The following RELL1 variants were observed in gnomAD, a reference collection of about 807,000 sequenced individuals.
RELL1 encodes the protein RELT like 1.
In RELL1, 10 loss-of-function variants were observed where a neutral mutation model predicts 23.0. The observed-to-expected ratio is 0.43, with a 90% CI of 0.27 to 0.74. The LOEUF (loss-of-function observed/expected upper bound fraction) is 0.74. Among genes scored for constraint, RELL1 ranks in the 30% least tolerant of loss-of-function variants. The pLI is 0.19. For missense variants in RELL1, 315 were observed against 364.4 expected (o/e 0.86, Z 1.10); for synonymous variants, 146 against 146.8 (o/e 0.99, Z 0.04).
intron 6 of RELL1, among the ~76,000 whole-genome samples, chr4:37,601,875 G>C (rs918281403): frequency 1.3e-5 from 2 of 152,160 alleles, no homozygotes; most frequent in African/African-American, 4.8e-5. Context: ...TGTTCGTGAA[G>C]TTCAGAAGGG....
intron 1 of RELL1, among the ~76,000 whole-genome samples, chr4:37,654,161 C>T (rs1721043632): frequency 6.6e-6 from 1 of 152,176 alleles, no homozygotes; most frequent in Admixed American, 6.5e-5. Context: ...CATAAAAGAC[C>T]TGCATTATTC....
At chr4:37,659,886 C>G (rs556387880) in intron 1 of RELL1, among the ~76,000 whole-genome samples, 5 of 152,242 alleles carry the variant, frequency 3.3e-5, no homozygotes, top group African/African-American at 1.2e-4. Flanking sequence ...TGACCAAGAT[C>G]AAGATCAAGA....
intron 1 of RELL1, chr4:37,665,251 T>G: frequency 2.2e-6 from 1 of 456,268 alleles, no homozygotes; most frequent in Non-Finnish European, 4.4e-6. Flanking sequence ...AATAAGTAGA[T>G]TCTTTTCAGA....
At chr4:37,668,836 G>A (rs1211692309) in intron 1 of RELL1, among the ~76,000 whole-genome samples, 25 of 146,360 alleles carry the variant, frequency 1.7e-4, no homozygotes, top group Admixed American at 3.3e-4. Context: ...GCCGCCCATC[G>A]TCTGAGATGT....
Position 37,638,472 on chromosome 4 carries a change from C to G in RELL1, c.418G>C (p.Asp140His), listed in dbSNP as rs769075637. ...CTTTCAGGATCATACAGGCTGTTAT[C>G]TGCTACCATCGCCTTTAAGACATCA... ...NADVLKAMVADNSLYDPESPV... is the reference protein window; with the variant it reads ...NADVLKAMVAHNSLYDPESPV... The change falls in exon 4 of 7, where the codon GAT becomes CAT. Residue 140 changes from aspartate to histidine, a missense_variant. Coordinates refer to ENST00000454158, the MANE Select transcript of RELL1 (RefSeq NM_001085400.2). 7 of 1,613,186 alleles carry G rather than the reference C, an allele frequency of 4.3e-6. No homozygotes were observed. Among genetic ancestry groups the G allele is most frequent in the Non-Finnish European group, 5.9e-6 (7 of 1,179,436 alleles).
At chr4:37,675,305 A>G (rs532235288) in intron 1 of RELL1, among the ~76,000 whole-genome samples, 1 of 152,382 alleles carries the variant, frequency 6.6e-6, no homozygotes, top group Admixed American at 6.5e-5. Context: ...GCAATTTCAC[A>G]TAATGCAAAG....
intron 6 of RELL1, among the ~76,000 whole-genome samples, chr4:37,599,791 A>G (rs926210185): frequency 6.6e-6 from 1 of 152,326 alleles, no homozygotes; most frequent in South Asian, 2.1e-4. Flanking sequence ...ACAAAGGTTG[A>G]GGCAGATCCA....
In RELL1 at chr4:37,635,011, C is replaced by G; in HGVS notation, c.556G>C (p.Val186Leu). The change falls in exon 5 of 7, where the codon GTT becomes CTT. Residue 186 changes from valine to leucine, a missense_variant. By Grantham distance (32) the Val-to-Leu change is conservative (BLOSUM62 1). Coordinates refer to ENST00000454158, the MANE Select transcript of RELL1 (RefSeq NM_001085400.2). ...CGHHLHTVGG[V>L]VERDVCHRCR... is the part of the protein sequence containing the mutation. ...CGATGACACACATCCCTCTCGACAA[C>G]ACCGCCCACCGTATGCAGATGATGG... is the stretch of plus-strand genomic sequence containing the variant. The G allele has an allele frequency of 2.5e-6, 4 of 1,614,234 alleles. No homozygotes were observed. The highest frequency in any genetic ancestry group is 3.4e-6 in the Non-Finnish European group (4 of 1,180,048).
downstream of RELL1, chr4:37,588,797 C>T: frequency 7.6e-7 from 1 of 1,314,064 alleles, no homozygotes; most frequent in Non-Finnish European, 1.1e-6. Context: ...TTAATTCCTA[C>T]TAATATATCA....
intron 6 of RELL1, among the ~76,000 whole-genome samples, chr4:37,625,109 A>G (rs1261165239): frequency 6.6e-6 from 1 of 152,238 alleles, no homozygotes; most frequent in Non-Finnish European, 1.5e-5. Flanking sequence ...GGCACAATTA[A>G]AAGTAAGGAG....
intron 3 of RELL1, among the ~76,000 whole-genome samples, chr4:37,639,383 C>CAA (rs58310167): frequency 0.13 from 8,589 of 65,336 alleles, 863 homozygotes; most frequent in Admixed American, 0.18. Context: ...GACTCTGTCT[C>CAA]AAAAAAAAAA....
intron 6 of RELL1, among the ~76,000 whole-genome samples, chr4:37,599,247 C>A (rs533485996): frequency 6.6e-6 from 1 of 152,116 alleles, no homozygotes; most frequent in Non-Finnish European, 1.5e-5. Flanking sequence ...AGCTGAGACA[C>A]GGGGTTGCCG....
At chr4:37,647,312 G>T (rs1720744094) in intron 3 of RELL1, 56 bp downstream of exon 3, 2 of 1,278,510 alleles carry the variant, frequency 1.6e-6, no homozygotes, top group African/African-American at 1.5e-5. Context: ...TTCGAAGCAG[G>T]TTTTTAATAA....
At chr4:37,660,198 G>A (rs1014272093) in intron 1 of RELL1, among the ~76,000 whole-genome samples, 15 of 151,934 alleles carry the variant, frequency 9.9e-5, no homozygotes, top group Non-Finnish European at 1.2e-4. Context: ...CTCTAAAGGG[G>A]TTTTTCTTCA....
chr4:37,603,053 T>C (rs907939375), intron 6 of RELL1, among the ~76,000 whole-genome samples: 3 of 152,216 alleles, frequency 2.0e-5, no homozygotes, highest in Admixed American at 6.5e-5. Context: ...ATGGTAGTCT[T>C]TCGTTTTTAA....
At chr4:37,629,519 C>T (rs1273372760) in intron 6 of RELL1, among the ~76,000 whole-genome samples, 2 of 152,226 alleles carry the variant, frequency 1.3e-5, no homozygotes, top group East Asian at 3.8e-4. Flanking sequence ...TCATCATCCT[C>T]TTCTTAAATT....
chr4:37,659,424 C>T (rs914548030), intron 1 of RELL1, among the ~76,000 whole-genome samples: 1 of 152,194 alleles, frequency 6.6e-6, no homozygotes, highest in Admixed American at 6.5e-5. Context: ...ACTTGTATTT[C>T]CAACTGACCC....
At chr4:37,628,481 C>T (rs1206818362) in intron 6 of RELL1, among the ~76,000 whole-genome samples, 4 of 152,136 alleles carry the variant, frequency 2.6e-5, no homozygotes, top group Admixed American at 2.6e-4. Context: ...TAATTTACTC[C>T]ATGGATCATG....
chr4:37,600,494 G>A (rs1718987488), intron 6 of RELL1, among the ~76,000 whole-genome samples: 1 of 151,898 alleles, frequency 6.6e-6, no homozygotes, highest in African/African-American at 2.4e-5. Flanking sequence ...GCATCTTGGG[G>A]GCACTTCAAT....
Sources: gnomAD v4.1 joint callset for allele counts (sites outside exome capture counted in the v4.1 genomes callset) on GRCh38, gnomAD v4.1.1 for gene constraint, MANE v1.5 for transcripts, NCBI Gene and HGNC (gene_info 2026-07-23, HGNC 2026-07-21) for gene names.